Variants in PKP3 observed in about 807,000 individuals in gnomAD.
PKP3 encodes plakophilin 3.
PKP3 carries 66 observed loss-of-function variants against 76.5 expected under a neutral mutation model. The ratio of observed to expected loss-of-function variants is 0.86; its 90% CI spans 0.71 to 1.06. PKP3 has a LOEUF of 1.06. Among genes scored for constraint, PKP3 ranks in the 50% least tolerant of loss-of-function variants. PKP3 has a pLI of 0.00. For missense variants in PKP3, 1,338 were observed against 1,141.0 expected (o/e 1.17, Z -2.49); for synonymous variants, 638 against 516.5 (o/e 1.24, Z -3.19).
At chr11:403,526 G>A in intron 9 of PKP3, 92 bp from the exon 10 acceptor site, 1 of 1,309,516 alleles carries the variant, frequency 7.6e-7, no homozygotes, top group Non-Finnish European at 1.1e-6. Flanking sequence ...CCTGAGGGTG[G>A]CGAGAGGATG....
upstream of PKP3, chr11:392,812 C>A (rs189535293): frequency 1.2e-5 from 6 of 504,836 alleles, no homozygotes; most frequent in East Asian, 7.0e-5. Flanking sequence ...TTTAACCCCC[C>A]ACGCTGACCT....
In PKP3 at chr11:397,213, TC is replaced by T. The variant is rs769904970; in HGVS notation, c.716del (p.Pro239ArgfsTer25). The T allele has an allele frequency of 4.4e-6, 7 of 1,598,430 alleles. 1 individual carries two copies. Among genetic ancestry groups the T allele is most frequent in the South Asian group, 2.2e-5 (2 of 90,926 alleles). ...GGACTGGCCCGAGGCCACTGAGGTT[TC>T]CCCGAGCCGGACCATCCGTGCCCCT... ...GLDWPEATEV[S>X]PSRTIRAPAV... On this transcript the variant is annotated frameshift_variant, in exon 3 of 13. Coordinates refer to ENST00000331563, the MANE Select transcript of PKP3 (RefSeq NM_007183.4). LOFTEE classifies it high-confidence loss of function.
intron 1 of PKP3, among the ~76,000 whole-genome samples, chr11:395,485 A>T (rs1847033199): frequency 6.6e-6 from 1 of 152,146 alleles, no homozygotes; most frequent in Admixed American, 6.5e-5. Flanking sequence ...CCCAGGGGTC[A>T]TGGGGTGGAG....
rs563747815 is a variant in PKP3 at position 400,234 on chromosome 11, C to T, written c.1448+93C>T. 1.7e-5 allele frequency: 24 copies of T among 1,408,156 alleles called. No individual in the cohort carries two copies. In the South Asian group the frequency reaches 2.9e-4, roughly 17 times the overall value. The allele number at this position is 1,408,156 out of a possible 1,614,324, so 87.2% of individuals were successfully genotyped here. The stretch of plus-strand genomic sequence containing the variant: ...TGGCGTTCGCAGCCCACACACCGCA[C>T]GCCTCGCGCTGGGGATGGGCGTGCG... On this transcript the variant is annotated intron_variant, in intron 6 of 12. Transcript: ENST00000331563.
Position 394,516 on chromosome 11 carries a change from C to G in PKP3, c.224C>G (p.Thr75Ser). Residue 75 changes from threonine (T) to serine (S), a missense_variant, in exon 1 of 13, where the codon ACT becomes AGT. By Grantham distance (58) the Thr-to-Ser change is moderately conservative. Transcript: ENST00000331563. ...GCTGAGCCCGAGCCTGAGGCCGAGACTGCCAGAGGTAGGCGGTGGGGACAG... is the reference window on the plus strand; with the variant it reads ...GCTGAGCCCGAGCCTGAGGCCGAGAGTGCCAGAGGTAGGCGGTGGGGACAG... ...GAAEPEPEAE[T>S]ARGTSRGQYH... is the part of the protein sequence containing the mutation. The G allele has an allele frequency of 1.4e-6, 2 of 1,382,506 alleles. No individual in the cohort carries two copies. The highest frequency in any genetic ancestry group is 1.9e-6 in the Non-Finnish European group (2 of 1,075,854). The allele number at this position is 1,382,506 out of a possible 1,614,324, so 85.6% of individuals were successfully genotyped here.
Position 404,345 on chromosome 11 carries a change from C to T in PKP3, c.2358+22C>T. ...GGCGGTACGTTTCCCGAGCCCAGGG[C>T]AAGCAGGGACCCGGGTGCAGGGCAT... is the stretch of plus-strand genomic sequence containing the variant. On this transcript the variant is annotated intron_variant, in intron 12 of 12. Transcript: ENST00000331563. This position sits in a 1 kb window ranked among gnomAD's most constrained non-coding sequence, Gnocchi z 4.2. The T allele has an allele frequency of 6.3e-7, 1 of 1,596,848 alleles. No homozygotes were observed. Among genetic ancestry groups the T allele is most frequent in the Non-Finnish European group, 8.6e-7 (1 of 1,165,490 alleles).
At position 396,916 on chromosome 11, in the gene PKP3, G is replaced by A. The variant is rs763137982; in HGVS notation, c.415G>A (p.Gly139Arg). The A allele has an allele frequency of 4.4e-6, 7 of 1,594,400 alleles. No individual in the cohort carries two copies. The South Asian group carries it at 4.5e-5, about 10-fold the overall frequency. Reference sequence around the variant, plus strand: ...TCGGAGGCTGAGTTCAGCCCACAACGGGGGCAGCGCCTTTGGGGCCGCTGG... The same window carrying A: ...TCGGAGGCTGAGTTCAGCCCACAACAGGGGCAGCGCCTTTGGGGCCGCTGG... ...CSRRLSSAHN[G>R]GSAFGAAGYG... The change falls in exon 3 of 13, where the codon GGG (glycine) becomes AGG (arginine). Residue 139 changes from glycine to arginine, a missense_variant. Transcript: ENST00000331563.
intron 1 of PKP3, chr11:396,242 C>A: frequency 4.2e-6 from 1 of 239,832 alleles, no homozygotes; most frequent in Non-Finnish European, 8.1e-6. Flanking sequence ...CCGGGGCAGG[C>A]CAGGCTGGCT....
chr11:400,800 C>T (rs1195497474), intron 8 of PKP3, 95 bp downstream of exon 8: 16 of 565,330 alleles, frequency 2.8e-5, no homozygotes, highest in Non-Finnish European at 3.5e-5. Context: ...CACCCCCGCC[C>T]CGCTCACCCC....
chr11:404,116 A>G lies in PKP3; in HGVS notation c.2251A>G (p.Ile751Val), dbSNP rs765911911. 3 of 1,610,842 alleles carry G rather than the reference A, an allele frequency of 1.9e-6. No individual in the cohort carries two copies. The highest frequency in any genetic ancestry group is 2.5e-6 in the Non-Finnish European group (3 of 1,178,744). Residue 751 changes from isoleucine (I) to valine (V), a missense_variant, in exon 11 of 13, where the codon ATC becomes GTC. Coordinates refer to ENST00000331563, the MANE Select transcript of PKP3 (RefSeq NM_007183.4). The surrounding 1 kb of genome is among the most constrained non-coding windows in gnomAD (Gnocchi z 4.2). ...TGACGGACTCCGAAAGCTCATCTTC[A>G]TCAAGAAGAAGCGGGACAGGTAGGG... ...YFDGLRKLIF[I>V]KKKRDSPDSE...
rs778314331 is a variant in PKP3, at chr11:400,627, C to G, written c.1659C>G (p.Arg553=). The G allele has an allele frequency of 9.2e-6, 13 of 1,411,062 alleles. No individual in the cohort carries two copies. Among genetic ancestry groups the G allele is most frequent in the Non-Finnish European group, 1.2e-5 (13 of 1,091,546 alleles). The allele number at this position is 1,411,062 out of a possible 1,614,324, so 87.4% of individuals were successfully genotyped here. The change falls in exon 8 of 13, where the codon CGC becomes CGG. Residue 553 remains arginine, a synonymous_variant. Transcript: ENST00000331563. ...CCGCGCTGCAGCGGCTGGAGGGTCG[C>G]GGCCGCAGGGACCTGGCGGGGGCGC... ...PPSALQRLEG[R]GRRDLAGAPP...
rs1564883821 is a variant in PKP3, at chr11:404,596, CG to C, written c.*28del. 6.2e-7 allele frequency: 1 copy of C among 1,607,910 alleles called. No homozygotes were observed. The highest frequency in any genetic ancestry group is 1.7e-5 in the Admixed American group (1 of 59,990). On this transcript the variant is annotated 3_prime_UTR_variant, in exon 13 of 13. Coordinates refer to ENST00000331563, the MANE Select transcript of PKP3 (RefSeq NM_007183.4). The surrounding 1 kb of genome is among the most constrained non-coding windows in gnomAD (Gnocchi z 4.2). ...TGAAGCCTTCTGGAGGAGAAGGTGACGTGGCCCAGCGTCCAAGGGACAGACT... is the reference window on the plus strand; with the variant it reads ...TGAAGCCTTCTGGAGGAGAAGGTGACTGGCCCAGCGTCCAAGGGACAGACT...
In PKP3 at chr11:400,398, G is replaced by A. The variant is rs1847132032; in HGVS notation, c.1513G>A (p.Ala505Thr). ...KMRECHGLVD[A>T]LVTSINHALD... ...GCGGGAGTGCCACGGGCTGGTGGAC[G>A]CCCTGGTCACCTCTATCAACCACGC... Residue 505 changes from alanine to threonine, a missense_variant, in exon 7 of 13, where the codon GCC (alanine) becomes ACC (threonine). Physicochemically the swap from Ala to Thr is moderately conservative, Grantham distance 58 (BLOSUM62 0). Coordinates refer to ENST00000331563, the MANE Select transcript of PKP3 (RefSeq NM_007183.4). 6.5e-7 allele frequency: 1 copy of A among 1,548,758 alleles called. No individual in the cohort carries two copies. Among genetic ancestry groups the A allele is most frequent in the African/African-American group, 1.4e-5 (1 of 73,004 alleles).
At position 400,561 on chromosome 11, in the gene PKP3, G is replaced by A. The variant is rs1847136560; in HGVS notation, c.1593G>A (p.Leu531=). 3.3e-6 allele frequency: 5 copies of A among 1,496,990 alleles called. No individual in the cohort carries two copies. Among genetic ancestry groups the A allele is most frequent in the Admixed American group, 2.4e-5 (1 of 42,438 alleles). 92.7% of individuals were successfully genotyped at this position (1,496,990 alleles called of 1,614,324 possible). A position where few individuals can be genotyped will look rare whatever the true frequency, so the allele number is the denominator to read the frequency against. The part of the protein sequence containing the change: ...DKSVENAVCV[L]RNLSYRLYDE... ...GCGTGGAGAACGCGGTGTGCGTCCT[G>A]CGGAACCTGTCCTACCGCCTCTACG... Residue 531 remains leucine (L), a synonymous_variant, in exon 8 of 13, where the codon CTG becomes CTA. Coordinates refer to ENST00000331563, the MANE Select transcript of PKP3 (RefSeq NM_007183.4).
In PKP3 at chr11:404,245, T is replaced by A. The variant is rs762401784; in HGVS notation, c.2280T>A (p.Ser760Arg). 8.7e-6 allele frequency: 14 copies of A among 1,612,278 alleles called. No individual in the cohort carries two copies. The African/African-American group carries it at 1.6e-4, about 18-fold the overall frequency. The stretch of plus-strand genomic sequence containing the variant: ...TGCCCTCCACCCTCAGCCCCGACAG[T>A]GAGAAGTCCTCCCGGGCAGCATCCA... ...FIKKKRDSPD[S>R]EKSSRAASSL... Residue 760 changes from serine (S) to arginine (R), a missense_variant, in exon 12 of 13, where the codon AGT (serine) becomes AGA (arginine). Transcript: ENST00000331563. The surrounding 1 kb of genome is among the most constrained non-coding windows in gnomAD (Gnocchi z 4.2).
intron 1 of PKP3, among the ~76,000 whole-genome samples, chr11:395,998 T>A (rs1453121779): frequency 6.6e-6 from 1 of 151,684 alleles, no homozygotes; most frequent in African/African-American, 2.4e-5. Context: ...CCCTCCGCCC[T>A]CCACCCTCTG....
At position 397,387 on chromosome 11, in the gene PKP3, G is replaced by A; in HGVS notation, c.886G>A (p.Asp296Asn). 1 of 1,610,774 alleles carries A rather than the reference G, an allele frequency of 6.2e-7. No homozygotes were observed. The highest frequency in any genetic ancestry group is 1.1e-5 in the South Asian group (1 of 90,932). ...LSLADSGHLP[D>N]VHGFNSYGSH... ...CCTGGCTGACTCGGGCCACCTGCCG[G>A]ACGTGCATGGGTTCAACAGCTACGG... The change falls in exon 3 of 13, where the codon GAC becomes AAC. Residue 296 changes from aspartate to asparagine, a missense_variant. By Grantham distance (23) the Asp-to-Asn change is conservative. Coordinates refer to ENST00000331563, the MANE Select transcript of PKP3 (RefSeq NM_007183.4).
rs940728320 is a variant in PKP3, at chr11:394,418, G to A, written c.126G>A (p.Arg42=). ...GAEGPEAERL[R]AARVQEQVRA... is the part of the protein sequence containing the mutation. ...AGGGGCCGGAGGCCGAGCGGCTGCG[G>A]GCAGCCCGCGTCCAGGAGCAGGTCC... Residue 42 remains arginine (R), a synonymous_variant, in exon 1 of 13, where the codon CGG becomes CGA. Coordinates refer to ENST00000331563, the MANE Select transcript of PKP3 (RefSeq NM_007183.4). 1.3e-4 allele frequency: 186 copies of A among 1,470,942 alleles called. 1 individual carries two copies. The highest frequency in any genetic ancestry group is 1.6e-4 in the Non-Finnish European group (180 of 1,119,634). The allele number at this position is 1,470,942 out of a possible 1,614,324, so 91.1% of individuals were successfully genotyped here. A position where few individuals can be genotyped will look rare whatever the true frequency, so the allele number is the denominator to read the frequency against.
chr11:400,740 G>A, intron 8 of PKP3, 35 bp downstream of exon 8: 1 of 1,164,514 alleles, frequency 8.6e-7, no homozygotes, highest in Middle Eastern at 3.5e-4. Flanking sequence ...TGGGGTGGGT[G>A]CTGCGACCCC....
Sources: gnomAD v4.1 joint callset for allele counts (sites outside exome capture counted in the v4.1 genomes callset) on GRCh38, gnomAD v4.1.1 for gene constraint, Gnocchi (gnomAD v3.1) non-coding constraint, MANE v1.5 for transcripts, NCBI Gene and HGNC (gene_info 2026-07-23, HGNC 2026-07-21) for gene names.